Variants in RGS8 observed in about 807,000 individuals in gnomAD.
RGS8 encodes the protein regulator of G protein signaling 8.
RGS8 carries 8 observed loss-of-function variants against 21.7 expected under a neutral mutation model. The ratio of observed to expected loss-of-function variants is 0.37; its 90% CI spans 0.22 to 0.66. The LOEUF (loss-of-function observed/expected upper bound fraction) is 0.66, where lower values mean the gene tolerates loss of function less well. Ranked by LOEUF, RGS8 falls within the 30% of genes least tolerant of loss-of-function variation. RGS8 has a pLI of 0.59. For missense variants in RGS8, 157 were observed against 217.9 expected (o/e 0.72, Z 1.76); for synonymous variants, 80 against 83.6 (o/e 0.96, Z 0.24).
chr1:182,705,619 C>T, the RGS8 span, among the ~76,000 whole-genome samples: 505 of 136,020 alleles, frequency 3.7e-3, 11 homozygotes, highest in African/African-American at 0.014. Context: ...TCGCATAATA[C>T]TCATTGAATC....
chr1:182,692,133 G>A, the RGS8 span, among the ~76,000 whole-genome samples: 2 of 151,962 alleles, frequency 1.3e-5, no homozygotes, highest in South Asian at 2.1e-4. Flanking sequence ...AGCCTCCTGA[G>A]TAGCTGGGAT....
At chr1:182,662,955 A>T (rs585526) in intron 5 of RGS8, among the ~76,000 whole-genome samples, 5 of 129,102 alleles carry the variant, frequency 3.9e-5, no homozygotes, top group East Asian at 4.2e-4. Flanking sequence ...GAGAATGGGG[A>T]GGGGGGGAAA....
At chr1:182,713,644 C>T in the RGS8 span, among the ~76,000 whole-genome samples, 2 of 152,136 alleles carry the variant, frequency 1.3e-5, no homozygotes, top group East Asian at 1.9e-4. Context: ...TTTCCTGGTT[C>T]ACCTCTCTCC....
At chr1:182,715,956 G>A in the RGS8 span, among the ~76,000 whole-genome samples, 2 of 152,106 alleles carry the variant, frequency 1.3e-5, no homozygotes, top group East Asian at 3.9e-4. Flanking sequence ...AAGGGGCATA[G>A]GTTCCCATAG....
the RGS8 span, among the ~76,000 whole-genome samples, chr1:182,702,401 G>A: frequency 1.3e-5 from 2 of 152,100 alleles, no homozygotes; most frequent in Non-Finnish European, 2.9e-5. Flanking sequence ...GAAGTGAGGG[G>A]GGCAACGGTT....
the RGS8 span, among the ~76,000 whole-genome samples, chr1:182,751,838 G>T: frequency 1.3e-5 from 2 of 152,148 alleles, no homozygotes; most frequent in Non-Finnish European, 2.9e-5. Context: ...TCCAGAATAC[G>T]TTGGAAACTC....
chr1:182,703,243 TGA>T, the RGS8 span, among the ~76,000 whole-genome samples: 1 of 152,212 alleles, frequency 6.6e-6, no homozygotes, highest in Non-Finnish European at 1.5e-5. Context: ...CCCAAATTTC[TGA>T]GAGAGATGCT....
At chr1:182,733,428 G>A in the RGS8 span, among the ~76,000 whole-genome samples, 625 of 152,334 alleles carry the variant, frequency 4.1e-3, 3 homozygotes, top group African/African-American at 0.015. Flanking sequence ...CTGACAAGGA[G>A]CATCGGGTAT....
At chr1:182,689,371 T>C (rs2102463654), upstream of RGS8, among the ~76,000 whole-genome samples, 1 of 152,286 alleles carries the variant, frequency 6.6e-6, no homozygotes, top group South Asian at 2.1e-4. Flanking sequence ...TTCCCTGGTA[T>C]ATCTTACTTC....
chr1:182,651,287 C>T (rs1663001097), intron 5 of RGS8, among the ~76,000 whole-genome samples: 1 of 152,134 alleles, frequency 6.6e-6, no homozygotes, highest in Non-Finnish European at 1.5e-5. Context: ...ATTGAAAATA[C>T]CAAGAGTCAA....
At chr1:182,739,968 C>T in the RGS8 span, among the ~76,000 whole-genome samples, 1 of 152,208 alleles carries the variant, frequency 6.6e-6, no homozygotes, top group Non-Finnish European at 1.5e-5. Context: ...CAGCTCCCAA[C>T]ACCCAACCCC....
At chr1:182,665,947 A>C (rs1355016964) in intron 5 of RGS8, 22 bp downstream of exon 6, 7 of 1,598,784 alleles carry the variant, frequency 4.4e-6, no homozygotes, top group Admixed American at 1.7e-5. Flanking sequence ...CCATGTCATG[A>C]TACGACCTGA....
chr1:182,681,775 C>A (rs973107439), intron 1 of RGS8, among the ~76,000 whole-genome samples: 1 of 152,212 alleles, frequency 6.6e-6, no homozygotes, highest in South Asian at 2.1e-4. Context: ...CTCCGATGCA[C>A]GGAGATGCTG....
At chr1:182,720,854 T>C in the RGS8 span, among the ~76,000 whole-genome samples, 1 of 148,510 alleles carries the variant, frequency 6.7e-6, no homozygotes, top group Non-Finnish European at 1.5e-5. Context: ...TGTGTATACA[T>C]ATATATACAT....
At chr1:182,723,647 T>C in the RGS8 span, among the ~76,000 whole-genome samples, 1 of 152,106 alleles carries the variant, frequency 6.6e-6, no homozygotes, top group Admixed American at 6.5e-5. Flanking sequence ...AAGAACAACA[T>C]AGGAGGAGAC....
intron 5 of RGS8, 107 bp downstream of exon 6, chr1:182,665,862 G>T (rs181995078): frequency 3.4e-6 from 3 of 883,034 alleles, no homozygotes; most frequent in East Asian, 2.4e-5. Context: ...GCCCACAGAG[G>T]TCTGGAACAC....
At chr1:182,666,492 A>C (rs1192527962) in intron 4 of RGS8, among the ~76,000 whole-genome samples, 3 of 152,210 alleles carry the variant, frequency 2.0e-5, no homozygotes, top group Non-Finnish European at 4.4e-5. Context: ...GCACCAGCAC[A>C]GAAGAGGTGC....
At chr1:182,672,865 C>G (rs199526153), upstream of RGS8, 3 of 1,613,928 alleles carry the variant, frequency 1.9e-6, no homozygotes, top group Non-Finnish European at 2.5e-6. Flanking sequence ...AAGGAGGACT[C>G]TCTTCCTGCT....
At chr1:182,692,383 A>C in the RGS8 span, among the ~76,000 whole-genome samples, 1 of 152,160 alleles carries the variant, frequency 6.6e-6, no homozygotes, top group African/African-American at 2.4e-5. Flanking sequence ...ATAGCCACAA[A>C]AAGAATAAAA....
Sources: gnomAD v4.1 joint callset for allele counts (sites outside exome capture counted in the v4.1 genomes callset) on GRCh38, gnomAD v4.1.1 for gene constraint, MANE v1.5 for transcripts, NCBI Gene and HGNC (gene_info 2026-07-23, HGNC 2026-07-21) for gene names.